DDHD1: variants seen among roughly 807,000 people sequenced by gnomAD.
The protein encoded by DDHD1 is DDHD domain containing 1.
DDHD1 carries 49 observed loss-of-function variants against 96.4 expected under a neutral mutation model. The ratio of observed to expected loss-of-function variants is 0.51; its 90% CI spans 0.40 to 0.64. DDHD1 has a LOEUF of 0.64. DDHD1 is among the 30% of genes least tolerant of loss of function. DDHD1 has a pLI of 0.00. For missense variants in DDHD1, 1,106 were observed against 1,161.2 expected (o/e 0.95, Z 0.69); for synonymous variants, 442 against 446.5 (o/e 0.99, Z 0.13).
At chr14:53,065,196 G>C (rs183531905) in intron 6 of DDHD1, among the ~76,000 whole-genome samples, 35 of 152,282 alleles carry the variant, frequency 2.3e-4, no homozygotes, top group African/African-American at 7.9e-4. Flanking sequence ...GGAAATGAAC[G>C]TAAGGAGGAA....
At chr14:53,113,390 CAAAAAAAAAAAA>C (rs60704615) in intron 1 of DDHD1, among the ~76,000 whole-genome samples, 37 of 118,256 alleles carry the variant, frequency 3.1e-4, no homozygotes, top group African/African-American at 1.2e-3. Context: ...CTGTACAAGC[CAAAAAAAAAAAA>C]AAAAAAAAAA....
intron 8 of DDHD1, among the ~76,000 whole-genome samples, chr14:53,059,854 ACT>A (rs1358848727): frequency 1.5e-4 from 18 of 122,864 alleles, no homozygotes; most frequent in Non-Finnish European, 2.1e-4. Flanking sequence ...ACAGAGCAAG[ACT>A]CTGTCTCAAA....
At chr14:53,088,162 T>C (rs1440181899) in intron 4 of DDHD1, among the ~76,000 whole-genome samples, 2 of 152,054 alleles carry the variant, frequency 1.3e-5, no homozygotes, top group East Asian at 3.9e-4. Context: ...GGCTCTGAAA[T>C]TAAGGCAATA....
At position 53,136,574 on chromosome 14, in the gene DDHD1, A is replaced by C. The variant is rs76687939; in HGVS notation, c.838+15687T>G. 2.6e-5 allele frequency among the ~76,000 whole-genome samples: 4 copies of C among 152,298 alleles called. No individual in the cohort carries two copies. The East Asian group carries it at 7.7e-4, about 29-fold the overall frequency. On this transcript the variant is annotated intron_variant, in intron 1 of 12. Transcript: ENST00000673822. The stretch of plus-strand genomic sequence containing the variant: ...TGCACATAAAGGAGAAAACTACCTG[A>C]AGCCAGGGAAAAGAACCACTGGAAA...
intron 1 of DDHD1, among the ~76,000 whole-genome samples, chr14:53,145,531 T>C (rs968311250): frequency 2.0e-5 from 3 of 149,272 alleles, no homozygotes; most frequent in African/African-American, 7.6e-5. Context: ...AAAAAAGTTT[T>C]AACATAGTAC....
chr14:53,097,185 A>T (rs1264026669), intron 2 of DDHD1, among the ~76,000 whole-genome samples: 2 of 151,994 alleles, frequency 1.3e-5, no homozygotes, highest in African/African-American at 4.8e-5. Flanking sequence ...TATTAATGTG[A>T]CATTCAAAGG....
chr14:53,152,345 C>T lies in DDHD1; in HGVS notation c.754G>A (p.Val252Met). Residue 252 changes from valine (V) to methionine (M), a missense_variant, in exon 1 of 13, where the codon GTG (valine) becomes ATG (methionine). Physicochemically the swap from Val to Met is conservative, Grantham distance 21 (BLOSUM62 1). Coordinates refer to ENST00000673822, the MANE Select transcript of DDHD1 (RefSeq NM_001160148.2). ...TGHEPEMVEL[V>M]NIEPVCVRGG... ...CGCACGCACACAGGCTCGATGTTCA[C>T]AAGCTCCACCATCTCCGGCTCGTGC... 1 of 1,614,010 alleles carries T rather than the reference C, an allele frequency of 6.2e-7. No homozygotes were observed.
chr14:53,068,781 T>G (rs1477516376), intron 6 of DDHD1, among the ~76,000 whole-genome samples: 1 of 152,042 alleles, frequency 6.6e-6, no homozygotes, highest in Non-Finnish European at 1.5e-5. Flanking sequence ...CTTAAACGAA[T>G]TATCAGTTTG....
rs1881463615 is a variant in DDHD1 at position 53,039,069 on chromosome 14, C to T, written c.*7699G>A. 6.6e-6 allele frequency: 1 copy of T among 152,152 alleles called. No individual in the cohort carries two copies. Among genetic ancestry groups the T allele is most frequent in the South Asian group, 2.1e-4 (1 of 4,832 alleles). The allele number at this position is 152,152 out of a possible 1,614,324, so 9.4% of individuals were successfully genotyped here. A position where few individuals can be genotyped will look rare whatever the true frequency, so the allele number is the denominator to read the frequency against. On this transcript the variant is annotated 3_prime_UTR_variant, in exon 13 of 13. Transcript: ENST00000673822. Reference sequence around the variant, plus strand: ...TTTGTCAAATGATTATTAATTTGAACTCTTTTGGATCCAAGAGACAGAGAC... The same window carrying T: ...TTTGTCAAATGATTATTAATTTGAATTCTTTTGGATCCAAGAGACAGAGAC...
At chr14:53,131,052 T>C (rs1889828874) in intron 1 of DDHD1, among the ~76,000 whole-genome samples, 1 of 152,144 alleles carries the variant, frequency 6.6e-6, no homozygotes, top group African/African-American at 2.4e-5. Flanking sequence ...TGGCCAGGCT[T>C]CTAAACCTCT....
rs928842962 is a variant in DDHD1, at chr14:53,044,502, T to C, written c.*2266A>G. On this transcript the variant is annotated 3_prime_UTR_variant, in exon 13 of 13. Transcript: ENST00000673822. ...TTATGCATTTGAGTGTCATACCACC[T>C]ACAGCAACATACGCTCAAGTACCTT... The C allele has an allele frequency of 1.3e-5, 2 of 152,226 alleles. No individual in the cohort carries two copies. The highest frequency in any genetic ancestry group is 2.9e-5 in the Non-Finnish European group (2 of 68,030). The allele number at this position is 152,226 out of a possible 1,614,324, so 9.4% of individuals were successfully genotyped here. A position where few individuals can be genotyped will look rare whatever the true frequency, so the allele number is the denominator to read the frequency against.
chr14:53,086,931 A>T (rs2078577365), intron 4 of DDHD1, among the ~76,000 whole-genome samples: 1 of 149,958 alleles, frequency 6.7e-6, no homozygotes, highest in South Asian at 2.1e-4. Context: ...CACAGGCCCA[A>T]AATAAAGGGG....
chr14:53,129,247 A>C (rs1889686080), intron 1 of DDHD1, among the ~76,000 whole-genome samples: 1 of 152,202 alleles, frequency 6.6e-6, no homozygotes, highest in Non-Finnish European at 1.5e-5. Context: ...TCACTCCGTG[A>C]GGAGATCCAC....
In DDHD1 at chr14:53,152,354, C is replaced by G. The variant is rs1387797762; in HGVS notation, c.745G>C (p.Val249Leu). 6.2e-7 allele frequency: 1 copy of G among 1,613,824 alleles called. No individual in the cohort carries two copies. Among genetic ancestry groups the G allele is most frequent in the African/African-American group, 1.3e-5 (1 of 74,926 alleles). The change falls in exon 1 of 13, where the codon GTG becomes CTG. Residue 249 changes from valine (V) to leucine (L), a missense_variant. Around this residue, in one of 2 missense-constraint regions of DDHD1, gnomAD observed 456 missense variants for 402.4 expected, o/e 1.13. Coordinates refer to ENST00000673822, the MANE Select transcript of DDHD1 (RefSeq NM_001160148.2). ...ACAGGCTCGATGTTCACAAGCTCCA[C>G]CATCTCCGGCTCGTGCCCCGTCGTA... ...QSTTGHEPEMVELVNIEPVCV... is the reference protein window; with the variant it reads ...QSTTGHEPEMLELVNIEPVCV...
At chr14:53,136,654 C>T (rs1169330226) in intron 1 of DDHD1, among the ~76,000 whole-genome samples, 1 of 152,138 alleles carries the variant, frequency 6.6e-6, no homozygotes, top group African/African-American at 2.4e-5. Context: ...AGTTCATGTT[C>T]CAATCAGCAG....
chr14:53,133,270 A>T (rs1890003348), intron 1 of DDHD1, among the ~76,000 whole-genome samples: 1 of 152,184 alleles, frequency 6.6e-6, no homozygotes, highest in Admixed American at 6.5e-5. Flanking sequence ...CGAGTCAGGA[A>T]ACTATAATAC....
rs60708379 is a variant in DDHD1, at chr14:53,059,863, C to CAAA, written c.1843-1240_1843-1238dup. Among the ~76,000 whole-genome samples the CAAA allele has an allele frequency of 2.1e-3, 39 of 18,504 alleles. 5 individuals are homozygous for CAAA. Among genetic ancestry groups the CAAA allele is most frequent in the African/African-American group, 4.6e-3 (31 of 6,768 alleles). The allele number at this position is 18,504 out of a possible 152,430, so 12.1% of individuals were successfully genotyped here. A position where few individuals can be genotyped will look rare whatever the true frequency, so the allele number is the denominator to read the frequency against. ...TGGGTGACAGAGCAAGACTCTGTCT[C>CAAA]AAAAAAAAAAAAAAAAAAAAAAAAA... On this transcript the variant is annotated intron_variant, in intron 8 of 12. Transcript: ENST00000673822.
At chr14:53,063,246 C>G in intron 6 of DDHD1, 41 bp from the exon 7 acceptor site, 1 of 1,592,546 alleles carries the variant, frequency 6.3e-7, no homozygotes, top group Non-Finnish European at 8.5e-7. Context: ...AGACTTGTCA[C>G]TGACTACTAT....
chr14:53,082,504 A>G (rs1885568211), intron 4 of DDHD1, among the ~76,000 whole-genome samples: 1 of 145,168 alleles, frequency 6.9e-6, no homozygotes, highest in Non-Finnish European at 1.5e-5. Flanking sequence ...CACGCCTGTG[A>G]TCCCAGCACA....
Sources: allele counts gnomAD v4.1 joint callset (sites outside exome capture counted in the v4.1 genomes callset), GRCh38; gene constraint gnomAD v4.1.1; regional missense constraint gnomAD v4.1.1; transcripts MANE v1.5; gene names NCBI Gene and HGNC (gene_info 2026-07-23, HGNC 2026-07-21).